VEPH1: variants seen among roughly 807,000 people sequenced by gnomAD.
The protein encoded by VEPH1 is ventricular zone expressed PH domain containing 1, also known as ventricular zone-expressed PH domain-containing protein homolog 1.
In VEPH1, 80 loss-of-function variants were observed where a neutral mutation model predicts 85.2. The observed-to-expected ratio is 0.94, with a 90% CI of 0.78 to 1.13. VEPH1 has a LOEUF of 1.13. Ranked by LOEUF, VEPH1 falls within the 50% of genes most tolerant of loss-of-function variation. VEPH1 has a pLI of 0.00. For synonymous variants in VEPH1, 297 were observed against 348.0 expected, an observed-to-expected ratio of 0.85 and a Z score of 1.63; for missense variants, 955 against 980.5, an observed-to-expected ratio of 0.97 and a Z score of 0.35.
At chr3:157,460,480 TG>T (rs1465971633) in intron 3 of VEPH1, 125 bp from the exon 4 acceptor site, 1 of 1,205,664 alleles carries the variant, frequency 8.3e-7, no homozygotes, top group Non-Finnish European at 1.1e-6. Flanking sequence ...ACACAGGCCT[TG>T]CCCTGTTTAT....
chr3:157,381,695 G>T, intron 6 of VEPH1: 1 of 243,876 alleles, frequency 4.1e-6, no homozygotes, highest in Non-Finnish European at 8.0e-6. Flanking sequence ...CTCCAGCCTG[G>T]GAGACAGAGG....
intron 4 of VEPH1, among the ~76,000 whole-genome samples, chr3:157,442,187 T>C (rs1734177134): frequency 6.6e-6 from 1 of 152,206 alleles, no homozygotes. Context: ...GGCTTTCCTT[T>C]TTCTCATTTT....
chr3:157,260,939 T>G lies in VEPH1; in HGVS notation c.*195A>C. 1 of 676,148 alleles carries G rather than the reference T, an allele frequency of 1.5e-6. No homozygotes were observed. The highest frequency in any genetic ancestry group is 2.4e-6 in the Non-Finnish European group (1 of 409,438). 41.9% of individuals were successfully genotyped at this position (676,148 alleles called of 1,614,324 possible). ...TGTGGGCATCAGATATATTCTGAAGTCAATACTAAAGCTGTTAGAGTATGA... is the reference window on the plus strand; with the variant it reads ...TGTGGGCATCAGATATATTCTGAAGGCAATACTAAAGCTGTTAGAGTATGA... On this transcript the variant is annotated 3_prime_UTR_variant, in exon 14 of 14. Coordinates refer to ENST00000362010, the MANE Select transcript of VEPH1 (RefSeq NM_001167912.2).
Position 157,470,337 on chromosome 3 carries a change from C to T in VEPH1, c.331G>A (p.Asp111Asn), listed in dbSNP as rs748713951. 1.2e-6 allele frequency: 2 copies of T among 1,613,930 alleles called. No homozygotes were observed. The highest frequency in any genetic ancestry group is 8.5e-7 in the Non-Finnish European group (1 of 1,180,002). Residue 111 changes from aspartate (D) to asparagine (N), a missense_variant, in exon 3 of 14, where the codon GAT (aspartate) becomes AAT (asparagine). Transcript: ENST00000362010. ...ACCTGTAAAATGCAACTCATGATAT[C>T]AGATGCGATTTTTGCATGAGGAGTG... ...EDTPHAKIAS[D>N]IMSCILQNYN...
At chr3:157,325,697 G>GT (rs1721823193) in intron 9 of VEPH1, among the ~76,000 whole-genome samples, 1 of 152,100 alleles carries the variant, frequency 6.6e-6, no homozygotes, top group African/African-American at 2.4e-5. Flanking sequence ...CTGTTGGTCT[G>GT]TATGTCTGTT....
chr3:157,263,065 A>G (rs1376789670), intron 13 of VEPH1, among the ~76,000 whole-genome samples: 1 of 152,130 alleles, frequency 6.6e-6, no homozygotes, highest in African/African-American at 2.4e-5. Flanking sequence ...AAAATGCAAA[A>G]GTGAAAGATT....
intron 9 of VEPH1, among the ~76,000 whole-genome samples, chr3:157,321,759 CA>C (rs1346470573): frequency 2.0e-5 from 3 of 151,922 alleles, no homozygotes; most frequent in Non-Finnish European, 2.9e-5. Context: ...GGGAGCAGAC[CA>C]AAAGCTGATC....
At chr3:157,392,174 A>G (rs1184309602) in intron 6 of VEPH1, among the ~76,000 whole-genome samples, 1 of 152,218 alleles carries the variant, frequency 6.6e-6, no homozygotes, top group African/African-American at 2.4e-5. Flanking sequence ...AATAGAAACA[A>G]CAAAGCAACC....
chr3:157,462,177 G>A (rs574021173), intron 3 of VEPH1, among the ~76,000 whole-genome samples: 1 of 151,050 alleles, frequency 6.6e-6, no homozygotes, highest in African/African-American at 2.4e-5. Flanking sequence ...AAACAGACAC[G>A]TTACAAAATA....
At chr3:157,413,669 A>G in intron 6 of VEPH1, 1 of 984,888 alleles carries the variant, frequency 1.0e-6, no homozygotes, top group African/African-American at 1.7e-5. Context: ...AAAAGGACTG[A>G]AAGAGAAATT....
chr3:157,290,668 TA>T (rs925270032), intron 11 of VEPH1, among the ~76,000 whole-genome samples: 5 of 151,828 alleles, frequency 3.3e-5, no homozygotes, highest in African/African-American at 1.2e-4. Context: ...TTCATTGATG[TA>T]AAAAAAAGGA....
At chr3:157,456,732 G>A (rs1049970958) in intron 4 of VEPH1, among the ~76,000 whole-genome samples, 8 of 151,812 alleles carry the variant, frequency 5.3e-5, no homozygotes, top group African/African-American at 9.7e-5. Context: ...TGGTCTATGC[G>A]TGTGTTTTTG....
intron 11 of VEPH1, among the ~76,000 whole-genome samples, chr3:157,309,669 A>G (rs1377684136): frequency 1.3e-5 from 2 of 152,008 alleles, no homozygotes; most frequent in Non-Finnish European, 2.9e-5. Context: ...TTATATATTA[A>G]AAATATTTTA....
In VEPH1 at chr3:157,305,321, G is replaced by T. The variant is rs1719391527; in HGVS notation, c.2010+8300C>A. Among the ~76,000 whole-genome samples the T allele has an allele frequency of 2.6e-5, 4 of 151,198 alleles. No individual in the cohort carries two copies. The South Asian group carries it at 8.3e-4, about 32-fold the overall frequency. ...AGACGGGGTTTCACCGTTTTTAGCC[G>T]GGATGGTCTCGATCTCCTGACCTCG... On this transcript the variant is annotated intron_variant, in intron 11 of 13. Coordinates refer to ENST00000362010, the MANE Select transcript of VEPH1 (RefSeq NM_001167912.2).
At chr3:157,378,179 G>A (rs932277066) in intron 7 of VEPH1, among the ~76,000 whole-genome samples, 3 of 151,850 alleles carry the variant, frequency 2.0e-5, no homozygotes, top group Non-Finnish European at 4.4e-5. Context: ...GGCCAACAGC[G>A]ACTTTGTGGG....
intron 7 of VEPH1, among the ~76,000 whole-genome samples, chr3:157,370,761 G>T (rs528081493): frequency 1.3e-5 from 2 of 152,224 alleles, no homozygotes; most frequent in Admixed American, 1.3e-4. Context: ...TAACTCCATG[G>T]TTTACTTCAT....
chr3:157,316,839 A>G (rs982511748), intron 10 of VEPH1, among the ~76,000 whole-genome samples: 5 of 152,142 alleles, frequency 3.3e-5, no homozygotes, highest in Non-Finnish European at 5.9e-5. Flanking sequence ...AGCTAAGGAT[A>G]TTTAAGACAT....
At chr3:157,410,804 T>A (rs1296377040) in intron 6 of VEPH1, among the ~76,000 whole-genome samples, 1 of 152,174 alleles carries the variant, frequency 6.6e-6, no homozygotes, top group Non-Finnish European at 1.5e-5. Context: ...TATCAGAGCA[T>A]ACGGGAGGTA....
intron 2 of VEPH1, chr3:157,493,217 G>C (rs1271678659): frequency 2.2e-6 from 1 of 456,074 alleles, no homozygotes; most frequent in African/African-American, 2.0e-5. Context: ...TGCAGGAGAA[G>C]CCACCTATTT....
Sources: gnomAD v4.1 joint callset for allele counts (sites outside exome capture counted in the v4.1 genomes callset) on GRCh38, gnomAD v4.1.1 for gene constraint, MANE v1.5 for transcripts, NCBI Gene and HGNC (gene_info 2026-07-23, HGNC 2026-07-21) for gene names.